Variants in PRKG1 observed in about 807,000 individuals in gnomAD.
PRKG1 encodes the protein cGMP-dependent protein kinase 1.
In PRKG1, 35 loss-of-function variants were observed where a neutral mutation model predicts 88.1. The observed-to-expected ratio is 0.40, with a 90% CI of 0.30 to 0.53. The LOEUF (loss-of-function observed/expected upper bound fraction) is 0.53. PRKG1 is among the 20% of genes least tolerant of loss of function. PRKG1 has a pLI of 0.59. For synonymous variants in PRKG1, 303 were observed against 292.5 expected (o/e 1.04, Z -0.37); for missense variants, 540 against 839.8 (o/e 0.64, Z 4.41).
chr10:51,554,311 A>G (rs1358367254), intron 3 of PRKG1, among the ~76,000 whole-genome samples: 1 of 139,814 alleles, frequency 7.2e-6, no homozygotes. Flanking sequence ...TATAATATGT[A>G]CATATATAAT....
At chr10:51,500,902 T>A (rs1298149059) in intron 3 of PRKG1, among the ~76,000 whole-genome samples, 1 of 152,202 alleles carries the variant, frequency 6.6e-6, no homozygotes, top group Non-Finnish European at 1.5e-5. Flanking sequence ...AAAGTGACTG[T>A]CCATTGATTT....
At chr10:52,258,590 T>C (rs923881033) in intron 10 of PRKG1, among the ~76,000 whole-genome samples, 1 of 152,012 alleles carries the variant, frequency 6.6e-6, no homozygotes, top group Non-Finnish European at 1.5e-5. Context: ...CCAGAATTAC[T>C]GATTTTTTAA....
rs1214027908 is a variant in PRKG1 at position 52,240,214 on chromosome 10, C to G, written c.1077-11356C>G. On this transcript the variant is annotated intron_variant, in intron 9 of 17. Coordinates refer to ENST00000373980, the MANE Select transcript of PRKG1 (RefSeq NM_006258.4). ...ACATATTGTTAGTGATCAGTCGTAT[C>G]AATAATATGGCACTTGAAACGCTGT... is the stretch of plus-strand genomic sequence containing the variant. Among the ~76,000 whole-genome samples, 3 of 152,100 alleles carry G rather than the reference C, an allele frequency of 2.0e-5. No homozygotes were observed. In the East Asian group the frequency reaches 5.8e-4, roughly 29 times the overall value.
intron 2 of PRKG1, among the ~76,000 whole-genome samples, chr10:51,392,421 C>A (rs920089827): frequency 6.6e-6 from 1 of 152,194 alleles, no homozygotes; most frequent in African/African-American, 2.4e-5. Context: ...GGACACAGCA[C>A]ATGTTTCAGA....
chr10:51,932,495 A>T (rs1249383263), intron 5 of PRKG1, among the ~76,000 whole-genome samples: 1 of 152,076 alleles, frequency 6.6e-6, no homozygotes, highest in Non-Finnish European at 1.5e-5. Flanking sequence ...AAGAACACCC[A>T]CCTAGGAAGT....
At chr10:52,268,272 T>G (rs1347347283) in intron 10 of PRKG1, among the ~76,000 whole-genome samples, 1 of 152,112 alleles carries the variant, frequency 6.6e-6, no homozygotes, top group Non-Finnish European at 1.5e-5. Flanking sequence ...CTTTTTGTAA[T>G]TAATGCTTTT....
intron 3 of PRKG1, among the ~76,000 whole-genome samples, chr10:51,799,057 C>T (rs1010325209): frequency 5.9e-5 from 9 of 152,024 alleles, no homozygotes; most frequent in African/African-American, 2.2e-4. Context: ...GGTCCACCCA[C>T]CTGAATAATT....
chr10:51,404,589 C>T (rs886074243), intron 2 of PRKG1, among the ~76,000 whole-genome samples: 6 of 152,202 alleles, frequency 3.9e-5, no homozygotes, highest in Admixed American at 3.9e-4. Context: ...AACATACTTG[C>T]TTGGGTGGAA....
At chr10:52,202,979 T>C (rs543982789) in intron 9 of PRKG1, among the ~76,000 whole-genome samples, 1 of 152,264 alleles carries the variant, frequency 6.6e-6, no homozygotes, top group South Asian at 2.1e-4. Context: ...TCTGGTTTTA[T>C]TGATCTTTAT....
intron 3 of PRKG1, among the ~76,000 whole-genome samples, chr10:51,572,185 C>T (rs1467150336): frequency 6.6e-6 from 1 of 151,782 alleles, no homozygotes. Flanking sequence ...TTAATCTTTT[C>T]TGACAATCCT....
intron 1 of PRKG1, among the ~76,000 whole-genome samples, chr10:51,119,815 TA>T (rs1006579948): frequency 2.0e-5 from 3 of 152,222 alleles, no homozygotes; most frequent in South Asian, 4.1e-4. Flanking sequence ...TGGATTCGTA[TA>T]AAAAATAATT....
chr10:51,644,978 G>A (rs1839881687), intron 3 of PRKG1, among the ~76,000 whole-genome samples: 1 of 152,032 alleles, frequency 6.6e-6, no homozygotes, highest in South Asian at 2.1e-4. Context: ...AGTAGAGATG[G>A]GGTTTCATCA....
intron 5 of PRKG1, among the ~76,000 whole-genome samples, chr10:52,017,161 G>A (rs1245548216): frequency 3.3e-4 from 50 of 152,196 alleles, no homozygotes; most frequent in Admixed American, 3.2e-3. Flanking sequence ...AAATTTTGAA[G>A]GTAGCATGCT....
At chr10:51,250,814 T>C (rs971141042) in intron 2 of PRKG1, among the ~76,000 whole-genome samples, 3 of 151,766 alleles carry the variant, frequency 2.0e-5, no homozygotes, top group Admixed American at 6.6e-5. Context: ...GAGGAGGAAG[T>C]AGAAGAACTG....
At chr10:51,288,791 G>T (rs2339710) in intron 2 of PRKG1, among the ~76,000 whole-genome samples, 36,981 of 152,030 alleles carry the variant, frequency 0.24, 6,781 homozygotes, top group African/African-American at 0.52. Flanking sequence ...GGAGCAAAGA[G>T]GTATGTGTAG....
intron 2 of PRKG1, among the ~76,000 whole-genome samples, chr10:51,260,162 A>G (rs1359948383): frequency 6.6e-6 from 1 of 152,148 alleles, no homozygotes; most frequent in East Asian, 1.9e-4. Flanking sequence ...TCTTCACTCC[A>G]TTGGAAACAG....
intron 7 of PRKG1, among the ~76,000 whole-genome samples, chr10:52,071,710 T>C (rs907246219): frequency 6.6e-6 from 1 of 151,902 alleles, no homozygotes. Context: ...TTCTACCACA[T>C]ACCCATTTTC....
intron 3 of PRKG1, among the ~76,000 whole-genome samples, chr10:51,565,674 C>G (rs1837582955): frequency 6.6e-6 from 1 of 152,006 alleles, no homozygotes; most frequent in Non-Finnish European, 1.5e-5. Context: ...CTAGCAGGTT[C>G]CAAAATTACC....
chr10:52,289,777 A>C (rs1257610075), intron 16 of PRKG1, among the ~76,000 whole-genome samples: 1 of 152,192 alleles, frequency 6.6e-6, no homozygotes, highest in Non-Finnish European at 1.5e-5. Context: ...AGAGACTATG[A>C]CAATGATGTG....
Sources: gnomAD v4.1 joint callset for allele counts (sites outside exome capture counted in the v4.1 genomes callset) on GRCh38, gnomAD v4.1.1 for gene constraint, MANE v1.5 for transcripts, NCBI Gene and HGNC (gene_info 2026-07-23, HGNC 2026-07-21) for gene names.